PDE1C: variants seen among roughly 807,000 people sequenced by gnomAD.
The protein encoded by PDE1C is dual specificity calcium/calmodulin-dependent 3',5'-cyclic nucleotide phosphodiesterase 1C.
In PDE1C, 62 loss-of-function variants were observed where a neutral mutation model predicts 93.1. The ratio of observed to expected loss-of-function variants is 0.67; its 90% confidence interval spans 0.54 to 0.82. PDE1C has a LOEUF of 0.82. Among genes scored for constraint, PDE1C ranks in the 40% least tolerant of loss-of-function variants. PDE1C has a pLI of 0.00. For missense variants in PDE1C, 742 were observed against 884.6 expected, an observed-to-expected ratio of 0.84 and a Z score of 2.04; for synonymous variants, 325 against 310.1, an observed-to-expected ratio of 1.05 and a Z score of -0.50.
At chr7:31,881,879 A>G (rs1458365413) in intron 2 of PDE1C, among the ~76,000 whole-genome samples, 2 of 152,224 alleles carry the variant, frequency 1.3e-5, no homozygotes, top group African/African-American at 2.4e-5. Flanking sequence ...TCATTATTCA[A>G]TGACTTTGAT....
chr7:31,872,019 A>C (rs1287276434), intron 6 of PDE1C, among the ~76,000 whole-genome samples: 2 of 141,216 alleles, frequency 1.4e-5, no homozygotes, highest in East Asian at 4.2e-4. Flanking sequence ...CTTGGTATAC[A>C]ACCATAATGG....
intron 1 of PDE1C, among the ~76,000 whole-genome samples, chr7:32,374,332 C>A (rs1201410132): frequency 2.7e-5 from 4 of 148,720 alleles, no homozygotes; most frequent in Admixed American, 6.7e-5. Flanking sequence ...AAACTATGTT[C>A]TCTCCCTTTG....
intron 2 of PDE1C, among the ~76,000 whole-genome samples, chr7:31,942,460 C>T (rs1477361645): frequency 6.6e-6 from 1 of 152,094 alleles, no homozygotes; most frequent in African/African-American, 2.4e-5. Flanking sequence ...GTTGTTGAAG[C>T]TATTTGAATT....
chr7:32,026,348 C>CGATAA (rs1334832088), intron 2 of PDE1C, among the ~76,000 whole-genome samples: 1 of 152,106 alleles, frequency 6.6e-6, no homozygotes, highest in East Asian at 1.9e-4. Context: ...CTTCTCTTAT[C>CGATAA]CCTCAGTAGC....
intron 3 of PDE1C, among the ~76,000 whole-genome samples, chr7:31,879,604 C>T (rs1307066007): frequency 1.3e-5 from 2 of 152,154 alleles, no homozygotes; most frequent in East Asian, 3.8e-4. Flanking sequence ...TCACAGCAAC[C>T]CAGTCCTCTG....
At chr7:31,622,337 A>G in the PDE1C span, among the ~76,000 whole-genome samples, 1 of 152,156 alleles carries the variant, frequency 6.6e-6, no homozygotes, top group Non-Finnish European at 1.5e-5. Flanking sequence ...CCTATTCAAA[A>G]ATTGACCAGA....
chr7:31,693,553 A>C, the PDE1C span, among the ~76,000 whole-genome samples: 3 of 152,188 alleles, frequency 2.0e-5, no homozygotes, highest in East Asian at 3.8e-4. Flanking sequence ...CATCTTCAAC[A>C]TGGAGAAAAG....
intron 2 of PDE1C, among the ~76,000 whole-genome samples, chr7:31,914,384 T>C (rs1422087409): frequency 6.6e-6 from 1 of 152,308 alleles, no homozygotes; most frequent in South Asian, 2.1e-4. Context: ...AACTTAGTGA[T>C]TCTACATCCA....
intron 10 of PDE1C, 136 bp downstream of exon 10, chr7:31,837,734 C>T: frequency 1.6e-6 from 1 of 610,762 alleles, no homozygotes; most frequent in South Asian, 2.4e-5. Flanking sequence ...ATGCTTTCTC[C>T]TTCAAACATA....
chr7:32,360,140 A>G (rs1036787785), intron 1 of PDE1C, among the ~76,000 whole-genome samples: 1 of 152,084 alleles, frequency 6.6e-6, no homozygotes, highest in Non-Finnish European at 1.5e-5. Context: ...GCAGAGACCA[A>G]CTCTCAACTC....
chr7:32,343,282 C>T (rs772587317), intron 1 of PDE1C, among the ~76,000 whole-genome samples: 2 of 152,252 alleles, frequency 1.3e-5, no homozygotes, highest in East Asian at 1.9e-4. Flanking sequence ...AGTAGGACAC[C>T]AACGCTTGGA....
At chr7:31,819,462 A>C (rs1370660003) in intron 14 of PDE1C, among the ~76,000 whole-genome samples, 1 of 152,130 alleles carries the variant, frequency 6.6e-6, no homozygotes, top group Non-Finnish European at 1.5e-5. Context: ...AAGTATACAG[A>C]GAATTCACTT....
intron 2 of PDE1C, among the ~76,000 whole-genome samples, chr7:31,928,237 A>G (rs1174141541): frequency 6.6e-6 from 1 of 152,122 alleles, no homozygotes; most frequent in Non-Finnish European, 1.5e-5. Flanking sequence ...ACAAGATTAG[A>G]GAAAAAAGAA....
At chr7:32,204,387 G>A (rs185287029) in intron 2 of PDE1C, among the ~76,000 whole-genome samples, 1 of 152,300 alleles carries the variant, frequency 6.6e-6, no homozygotes, top group Non-Finnish European at 1.5e-5. Context: ...CTCATCTTGG[G>A]GGAGAAATTA....
At chr7:32,215,434 A>G (rs1326628571) in intron 1 of PDE1C, among the ~76,000 whole-genome samples, 1 of 152,196 alleles carries the variant, frequency 6.6e-6, no homozygotes, top group Non-Finnish European at 1.5e-5. Context: ...ACTTGGGTAC[A>G]CTAATGTCTG....
intron 12 of PDE1C, among the ~76,000 whole-genome samples, 157 bp from the exon 13 acceptor site, chr7:31,825,144 C>T (rs571967422): frequency 1.2e-3 from 180 of 152,298 alleles, no homozygotes; most frequent in African/African-American, 4.2e-3. Context: ...TATTACATGT[C>T]AGTTTCATTT....
At chr7:32,056,672 T>C (rs1241217417) in intron 1 of PDE1C, among the ~76,000 whole-genome samples, 1 of 152,196 alleles carries the variant, frequency 6.6e-6, no homozygotes, top group Non-Finnish European at 1.5e-5. Flanking sequence ...ATCCTGGAAA[T>C]GCTCAAGCGT....
In PDE1C at chr7:32,228,052, G is replaced by A. The variant is rs570929825; in HGVS notation, c.86-18513C>T. 4.3e-4 allele frequency among the ~76,000 whole-genome samples: 66 copies of A among 152,314 alleles called. No individual in the cohort carries two copies. The South Asian group carries it at 0.013, about 29-fold the overall frequency. On this transcript the variant is annotated intron_variant, in intron 1 of 18. Coordinates refer to the PDE1C transcript ENST00000396193. ...CTCCAAGCCAAAATCACCCAGCCAC[G>A]CTGCTCCCAGATTCCTGCCTCACAG...
intron 1 of PDE1C, among the ~76,000 whole-genome samples, chr7:32,213,940 A>G (rs1314379773): frequency 6.6e-6 from 1 of 152,182 alleles, no homozygotes; most frequent in Non-Finnish European, 1.5e-5. Context: ...ATTTGAGAAA[A>G]TCTGTAACTT....
Sources: gnomAD v4.1 joint callset for allele counts (sites outside exome capture counted in the v4.1 genomes callset) on GRCh38, gnomAD v4.1.1 for gene constraint, MANE v1.5 for transcripts, NCBI Gene and HGNC (gene_info 2026-07-23, HGNC 2026-07-21) for gene names.